SAMD4A: variants seen among roughly 807,000 people sequenced by gnomAD.
SAMD4A encodes the protein sterile alpha motif domain containing 4A.
SAMD4A carries 33 observed loss-of-function variants against 81.3 expected under a neutral mutation model. The ratio of observed to expected loss-of-function variants is 0.41; its 90% CI spans 0.31 to 0.54. The LOEUF is 0.54. SAMD4A is among the 20% of genes least tolerant of loss of function. The probability of loss-of-function intolerance (pLI) is 0.37; values close to 1 mark genes in which losing one functional copy is unlikely to be tolerated. For synonymous variants in SAMD4A, 389 were observed against 382.1 expected (o/e 1.02, Z -0.21); for missense variants, 854 against 951.1 (o/e 0.90, Z 1.34).
At chr14:54,755,264 G>A (rs1304830735) in intron 6 of SAMD4A, among the ~76,000 whole-genome samples, 1 of 152,114 alleles carries the variant, frequency 6.6e-6, no homozygotes, top group Non-Finnish European at 1.5e-5. Flanking sequence ...AAGTGGGGGC[G>A]GGAAATGTAG....
At chr14:54,602,022 C>T (rs1317471932) in intron 2 of SAMD4A, among the ~76,000 whole-genome samples, 1 of 152,126 alleles carries the variant, frequency 6.6e-6, no homozygotes, top group Non-Finnish European at 1.5e-5. Flanking sequence ...AAGGAGAAAG[C>T]AGGACAGAAA....
chr14:54,744,466 T>A (rs1304153473), intron 4 of SAMD4A, among the ~76,000 whole-genome samples: 1 of 152,180 alleles, frequency 6.6e-6, no homozygotes, highest in African/African-American at 2.4e-5. Flanking sequence ...GATTTAAAAC[T>A]GAATCCCACT....
chr14:54,769,052 C>A (rs2038633665), intron 8 of SAMD4A, among the ~76,000 whole-genome samples: 1 of 152,246 alleles, frequency 6.6e-6, no homozygotes, highest in Non-Finnish European at 1.5e-5. Context: ...TCTCTCCCTC[C>A]TTGTTACTGT....
intron 2 of SAMD4A, among the ~76,000 whole-genome samples, chr14:54,696,367 G>A (rs1384776447): frequency 6.6e-6 from 1 of 152,204 alleles, no homozygotes; most frequent in Non-Finnish European, 1.5e-5. Flanking sequence ...GTCTAGGATT[G>A]ACTTTGTAAC....
chr14:54,682,748 T>A (rs1203223993), intron 2 of SAMD4A, among the ~76,000 whole-genome samples: 2 of 152,064 alleles, frequency 1.3e-5, no homozygotes, highest in African/African-American at 4.8e-5. Flanking sequence ...TGTACCAAAT[T>A]AAAGCGTAAA....
intron 7 of SAMD4A, among the ~76,000 whole-genome samples, chr14:54,761,473 C>G (rs1468346782): frequency 6.6e-6 from 1 of 152,258 alleles, no homozygotes; most frequent in Non-Finnish European, 1.5e-5. Flanking sequence ...CACCTCCATT[C>G]TACACTCCAG....
In SAMD4A at chr14:54,639,286, C is replaced by G. The variant is rs115170462; in HGVS notation, c.197-62776C>G. Among the ~76,000 whole-genome samples, 884 of 152,320 alleles carry G rather than the reference C, an allele frequency of 5.8e-3. 9 individuals are homozygous for G. Among genetic ancestry groups the G allele is most frequent in the African/African-American group, 0.02 (842 of 41,568 alleles). The stretch of plus-strand genomic sequence containing the variant: ...GCAGCTGTTATTGTTGCTGCTGCTG[C>G]TGTTGTTACAATCTCCTCTAGCCTG... On this transcript the variant is annotated intron_variant, in intron 2 of 12. Coordinates refer to ENST00000554335, the MANE Select transcript of SAMD4A (RefSeq NM_015589.6).
intron 9 of SAMD4A, among the ~76,000 whole-genome samples, chr14:54,772,902 T>C (rs1004502330): frequency 1.3e-5 from 2 of 152,008 alleles, no homozygotes; most frequent in African/African-American, 4.8e-5. Flanking sequence ...GGTCTCATCA[T>C]GTGAAACTTA....
intron 2 of SAMD4A, among the ~76,000 whole-genome samples, chr14:54,575,635 G>A (rs901424849): frequency 2.6e-5 from 4 of 152,134 alleles, no homozygotes; most frequent in African/African-American, 9.7e-5. Context: ...ACTTTGCCCT[G>A]GAAAATCCCC....
chr14:54,627,265 C>T (rs1167748466), intron 2 of SAMD4A, among the ~76,000 whole-genome samples: 2 of 151,280 alleles, frequency 1.3e-5, no homozygotes, highest in Non-Finnish European at 3.0e-5. Flanking sequence ...GTGCTTCTGA[C>T]TTTTTTTTTA....
intron 2 of SAMD4A, among the ~76,000 whole-genome samples, chr14:54,674,990 C>T (rs1364787707): frequency 1.3e-5 from 2 of 152,104 alleles, no homozygotes; most frequent in African/African-American, 2.4e-5. Flanking sequence ...CAGGTTCAAA[C>T]GATCGTCCCA....
intron 2 of SAMD4A, among the ~76,000 whole-genome samples, chr14:54,669,937 C>A (rs889924912): frequency 2.6e-5 from 4 of 151,982 alleles, no homozygotes; most frequent in South Asian, 2.1e-4. Flanking sequence ...TCCCTTCTGC[C>A]CCCCCAGCCC....
chr14:54,645,034 T>C (rs1594767496), intron 2 of SAMD4A, among the ~76,000 whole-genome samples: 1 of 152,364 alleles, frequency 6.6e-6, no homozygotes, highest in South Asian at 2.1e-4. Context: ...TTCAGTGTGA[T>C]GTGTACCAAA....
At chr14:54,782,998 A>G (rs1296855428) in intron 11 of SAMD4A, among the ~76,000 whole-genome samples, 1 of 152,150 alleles carries the variant, frequency 6.6e-6, no homozygotes, top group African/African-American at 2.4e-5. Context: ...GGCCCTCAGC[A>G]TGGAACAGGT....
At chr14:54,577,484 A>G (rs1005446272) in intron 2 of SAMD4A, among the ~76,000 whole-genome samples, 4 of 152,266 alleles carry the variant, frequency 2.6e-5, no homozygotes, top group African/African-American at 4.8e-5. Context: ...ACCAGATGAC[A>G]TATAAAGCAT....
intron 6 of SAMD4A, among the ~76,000 whole-genome samples, chr14:54,757,122 C>T (rs994759288): frequency 6.6e-6 from 1 of 152,180 alleles, no homozygotes; most frequent in Non-Finnish European, 1.5e-5. Flanking sequence ...GCCATTTCTC[C>T]CTGTTTCCTT....
At chr14:54,565,719 C>T (rs564296601), upstream of SAMD4A, among the ~76,000 whole-genome samples, 13 of 151,788 alleles carry the variant, frequency 8.6e-5, no homozygotes, top group Non-Finnish European at 1.8e-4. The surrounding 1 kb of genome is among the most constrained non-coding windows in gnomAD (Gnocchi z 5.4). Context: ...GCACCGCCCC[C>T]GCCCGAGCGC....
chr14:54,690,847 C>G (rs2036414727), intron 2 of SAMD4A, among the ~76,000 whole-genome samples: 1 of 152,204 alleles, frequency 6.6e-6, no homozygotes, highest in African/African-American at 2.4e-5. Flanking sequence ...TTGTCTTTCT[C>G]CTCACTGAGC....
chr14:54,599,963 GA>G (rs1266568743), intron 2 of SAMD4A, among the ~76,000 whole-genome samples: 9 of 152,296 alleles, frequency 5.9e-5, no homozygotes, highest in African/African-American at 2.2e-4. Flanking sequence ...GGATCCTGGA[GA>G]GAAGAGACAT....
Sources: gnomAD v4.1 joint callset for allele counts (sites outside exome capture counted in the v4.1 genomes callset) on GRCh38, gnomAD v4.1.1 for gene constraint, Gnocchi (gnomAD v3.1) non-coding constraint, MANE v1.5 for transcripts, NCBI Gene and HGNC (gene_info 2026-07-23, HGNC 2026-07-21) for gene names.